SSH3: variants seen among roughly 807,000 people sequenced by gnomAD.
The protein encoded by SSH3 is slingshot protein phosphatase 3.
In SSH3, 67 loss-of-function variants were observed where a neutral mutation model predicts 75.0. That is an observed-to-expected ratio of 0.89 (90% CI 0.73 to 1.10). The LOEUF is 1.10. Ranked by LOEUF, SSH3 falls within the 50% of genes least tolerant of loss-of-function variation. The probability of loss-of-function intolerance (pLI) is 0.00; values close to 1 mark genes in which losing one functional copy is unlikely to be tolerated. For synonymous variants in SSH3, 318 were observed against 349.2 expected (o/e 0.91, Z 1.00); for missense variants, 824 against 872.7 (o/e 0.94, Z 0.70).
rs996304936 is a variant in SSH3, at chr11:67,311,863, C to G, written c.1956C>G (p.Asp652Glu). 16 of 1,612,068 alleles carry G rather than the reference C, an allele frequency of 9.9e-6. No individual in the cohort carries two copies. Among genetic ancestry groups the G allele is most frequent in the Non-Finnish European group, 1.4e-5 (16 of 1,179,916 alleles). ...TGGTGAGACAGGCCAGCGTGCATGACAGTGGAGAGGAGGGCGAGGCCTGAG... is the reference window on the plus strand; with the variant it reads ...TGGTGAGACAGGCCAGCGTGCATGAGAGTGGAGAGGAGGGCGAGGCCTGAG... ...RKVVRQASVH[D>E]SGEEGEA Residue 652 changes from aspartate to glutamate, a missense_variant, in exon 14 of 14, where the codon GAC (aspartate) becomes GAG (glutamate). Coordinates refer to ENST00000308127, the MANE Select transcript of SSH3 (RefSeq NM_017857.4).
At chr11:67,310,715 G>A (rs1861387149) in intron 13 of SSH3, among the ~76,000 whole-genome samples, 1 of 152,166 alleles carries the variant, frequency 6.6e-6, no homozygotes, top group Admixed American at 6.5e-5. Context: ...AAGGCTCCTG[G>A]GTGAGCCAGC....
intron 3 of SSH3, among the ~76,000 whole-genome samples, chr11:67,305,527 G>A (rs1861217648): frequency 1.3e-5 from 2 of 152,198 alleles, no homozygotes; most frequent in South Asian, 4.1e-4. Context: ...CATGGCTGCA[G>A]GTCTCTGGAA....
At chr11:67,311,076 C>T (rs1008383749) in intron 13 of SSH3, among the ~76,000 whole-genome samples, 2 of 152,156 alleles carry the variant, frequency 1.3e-5, no homozygotes, top group Non-Finnish European at 2.9e-5. Context: ...CCACTGAGGG[C>T]AGGAACATTT....
At position 67,304,134 on chromosome 11, in the gene SSH3, G is replaced by C; in HGVS notation, c.83G>C (p.Arg28Pro). The C allele has an allele frequency of 6.3e-7, 1 of 1,599,206 alleles. No individual in the cohort carries two copies. Among genetic ancestry groups the C allele is most frequent in the Non-Finnish European group, 8.5e-7 (1 of 1,176,852 alleles). The change falls in exon 2 of 14, where the codon CGA becomes CCA. Residue 28 changes from arginine to proline, a missense_variant. By Grantham distance (103) the Arg-to-Pro change is moderately radical. Transcript: ENST00000308127. ...PVGPWDQAVQ[R>P]RSRLQRRQSF... ...TCTCCGCAGGACCAGGCGGTCCAGCGAAGGAGTCGACTCCAGCGAAGGTGA... is the reference window on the plus strand; with the variant it reads ...TCTCCGCAGGACCAGGCGGTCCAGCCAAGGAGTCGACTCCAGCGAAGGTGA...
At chr11:67,304,002 G>A in intron 1 of SSH3, 116 bp from the exon 2 acceptor site, 20 of 1,347,450 alleles carry the variant, frequency 1.5e-5, no homozygotes, top group Non-Finnish European at 2.0e-5. Flanking sequence ...ACTGGGGTGG[G>A]AAGACGATTG....
chr11:67,308,603 C>T lies in SSH3; in HGVS notation c.1061+145C>T. 1.6e-6 allele frequency: 2 copies of T among 1,245,300 alleles called. No individual in the cohort carries two copies. The highest frequency in any genetic ancestry group is 2.2e-6 in the Non-Finnish European group (2 of 897,558). The allele number at this position is 1,245,300 out of a possible 1,614,324, so 77.1% of individuals were successfully genotyped here. A position where few individuals can be genotyped will look rare whatever the true frequency, so the allele number is the denominator to read the frequency against. ...TCTAACTCTGTCCTGGGGCTGTTGCCCTGGTGTGGGCTCCCAGGTGGGGAC... is the reference window on the plus strand; with the variant it reads ...TCTAACTCTGTCCTGGGGCTGTTGCTCTGGTGTGGGCTCCCAGGTGGGGAC... On this transcript the variant is annotated intron_variant, in intron 10 of 13. Transcript: ENST00000308127. The surrounding 1 kb of genome is among the most constrained non-coding windows in gnomAD (Gnocchi z 4.9).
chr11:67,307,679 G>A lies in SSH3; in HGVS notation c.733G>A (p.Glu245Lys). The A allele has an allele frequency of 1.2e-6, 2 of 1,614,090 alleles. No individual in the cohort carries two copies. Among genetic ancestry groups the A allele is most frequent in the Middle Eastern group, 1.7e-4 (1 of 6,058 alleles). ...RLNSEQSCLNEWTAMADLESL... is the reference protein window; with the variant it reads ...RLNSEQSCLNKWTAMADLESL... ...GAACTCCGAACAGAGCTGCCTCAAT[G>A]AGTGGACGGCTATGGCCGACCTGGA... Residue 245 changes from glutamate to lysine, a missense_variant, in exon 7 of 14, where the codon GAG (glutamate) becomes AAG (lysine). By Grantham distance (56) the Glu-to-Lys change is moderately conservative (BLOSUM62 1). Coordinates refer to ENST00000308127, the MANE Select transcript of SSH3 (RefSeq NM_017857.4). The surrounding 1 kb of genome is among the most constrained non-coding windows in gnomAD (Gnocchi z 4.2).
At chr11:67,309,671 C>T in intron 11 of SSH3, 97 bp from the exon 12 acceptor site, 1 of 1,581,592 alleles carries the variant, frequency 6.3e-7, no homozygotes, top group South Asian at 1.1e-5. Flanking sequence ...TCCTTCTCTA[C>T]TCTCAGTTGG....
At position 67,309,783 on chromosome 11, in the gene SSH3, C is replaced by A. The variant is rs146571978; in HGVS notation, c.1224C>A (p.His408Gln). Residue 408 changes from histidine to glutamine, a missense_variant, in exon 12 of 14, where the codon CAC becomes CAA. By Grantham distance (24) the His-to-Gln change is conservative (BLOSUM62 0). Transcript: ENST00000308127. ...FIEAARAQGT[H>Q]VLVHCKMGVS... is the part of the protein sequence containing the mutation. Reference sequence around the variant, plus strand: ...GCTTCCACAGAGCACAGGGCACCCACGTGCTGGTCCACTGCAAGATGGGCG... The same window carrying A: ...GCTTCCACAGAGCACAGGGCACCCAAGTGCTGGTCCACTGCAAGATGGGCG... 7.2e-5 allele frequency: 116 copies of A among 1,613,126 alleles called. No individual in the cohort carries two copies. The African/African-American group carries it at 1.3e-3, about 18-fold the overall frequency.
chr11:67,304,216 C>G (rs966779878), intron 2 of SSH3, 61 bp downstream of exon 2: 42 of 1,338,702 alleles, frequency 3.1e-5, no homozygotes, highest in Non-Finnish European at 4.4e-5. Flanking sequence ...CACGGCCGTC[C>G]TGGGCTCCAG....
rs574866080 is a variant in SSH3, at chr11:67,309,856, G to A, written c.1297G>A (p.Glu433Lys). The A allele has an allele frequency of 2.0e-4, 315 of 1,613,180 alleles. 5 individuals carry two copies. The South Asian group carries it at 3.2e-3, about 16-fold the overall frequency. The change falls in exon 12 of 14, where the codon GAA becomes AAA. Residue 433 changes from glutamate to lysine, a missense_variant. By Grantham distance (56) the Glu-to-Lys change is moderately conservative. Transcript: ENST00000308127. ...TVLAYAMKQY[E>K]CSLEQALRHV... is the part of the protein sequence containing the mutation. ...GCTGGCCTATGCCATGAAGCAGTAC[G>A]AATGCAGCCTGGAGCAGGCCCTGCG...
In SSH3 at chr11:67,310,317, C is replaced by G. The variant is rs1017104614; in HGVS notation, c.1661C>G (p.Ser554Ter). Residue 554 changes from serine (S) to a stop codon, truncating the protein, a stop_gained, in exon 13 of 14, where the codon TCA becomes TGA. Transcript: ENST00000308127. LOFTEE classifies it low-confidence loss of function (END_TRUNC). Reference protein sequence around the residue: ...LEPSLELESTSETSDMPEVFS... With the variant: ...LEPSLELEST ...CCCTCCTTGGAGCTGGAGAGCACCT[C>G]AGAGACCAGTGACATGCCAGAGGTG... 6.2e-7 allele frequency: 1 copy of G among 1,611,668 alleles called. No individual in the cohort carries two copies. Among genetic ancestry groups the G allele is most frequent in the East Asian group, 2.2e-5 (1 of 44,820 alleles).
intron 3 of SSH3, 148 bp downstream of exon 3, chr11:67,305,155 A>C: frequency 1.4e-6 from 1 of 714,626 alleles, no homozygotes; most frequent in Non-Finnish European, 2.3e-6. Context: ...TATCCCAGTG[A>C]CCCTGCTGTT....
At chr11:67,310,839 T>C (rs1861390298) in intron 13 of SSH3, among the ~76,000 whole-genome samples, 1 of 152,046 alleles carries the variant, frequency 6.6e-6, no homozygotes, top group Admixed American at 6.5e-5. Flanking sequence ...CTGGGGGCGA[T>C]CTCTAACCCC....
Position 67,311,754 on chromosome 11 carries a change from C to T in SSH3, c.1847C>T (p.Thr616Ile), listed in dbSNP as rs914078369. 1.2e-6 allele frequency: 2 copies of T among 1,613,772 alleles called. No individual in the cohort carries two copies. The highest frequency in any genetic ancestry group is 1.3e-5 in the African/African-American group (1 of 74,894). ...LQGSAVVANR[T>I]QAFQEQEQGQ... ...GGCAGTGCCGTGGTGGCCAACCGGA[C>T]CCAGGCCTTCCAGGAGCAGGAGCAG... Residue 616 changes from threonine (T) to isoleucine (I), a missense_variant, in exon 14 of 14, where the codon ACC (threonine) becomes ATC (isoleucine). Thr to Ile is a moderately conservative substitution (Grantham distance 89). Coordinates refer to ENST00000308127, the MANE Select transcript of SSH3 (RefSeq NM_017857.4).
intron 2 of SSH3, among the ~76,000 whole-genome samples, 199 bp from the exon 3 acceptor site, chr11:67,304,573 TG>T (rs964173345): frequency 6.6e-6 from 1 of 152,182 alleles, no homozygotes; most frequent in African/African-American, 2.4e-5. Flanking sequence ...CCCCCAAGAC[TG>T]GTTCTCAGCA....
Position 67,308,418 on chromosome 11 carries a change from G to A in SSH3, c.1021G>A (p.Glu341Lys). 1 of 1,611,276 alleles carries A rather than the reference G, an allele frequency of 6.2e-7. No homozygotes were observed. The highest frequency in any genetic ancestry group is 1.7e-4 in the Middle Eastern group (1 of 5,970). ...GCTGTTCCCTCTCTCCCAGGGCTCA[G>A]AGTGGAACGCAGCAAACCTGGAGGA... ...RIFPHLYLGS[E>K]WNAANLEELQ... is the part of the protein sequence containing the mutation. The change falls in exon 10 of 14, where the codon GAG (glutamate) becomes AAG (lysine). Residue 341 changes from glutamate to lysine, a missense_variant. Glu to Lys is a moderately conservative substitution (Grantham distance 56). Transcript: ENST00000308127. The surrounding 1 kb of genome is among the most constrained non-coding windows in gnomAD (Gnocchi z 4.9).
At chr11:67,305,317 G>A (rs1341585944) in intron 3 of SSH3, among the ~76,000 whole-genome samples, 2 of 151,656 alleles carry the variant, frequency 1.3e-5, no homozygotes, top group Non-Finnish European at 2.9e-5. Flanking sequence ...CTCCCGAGGA[G>A]CTGGGACTAC....
chr11:67,309,907 G>A lies in SSH3; in HGVS notation c.1348G>A (p.Ala450Thr), dbSNP rs758743323. ...LRHVQELRPI[A>T]RPNPGFLRQL... ...CCACGTGCAGGAGCTCCGGCCCATC[G>A]CCCGCCCCAACCCTGGCTTCCTGCG... Residue 450 changes from alanine (A) to threonine (T), a missense_variant, in exon 12 of 14, where the codon GCC (alanine) becomes ACC (threonine). By Grantham distance (58) the Ala-to-Thr change is moderately conservative. Coordinates refer to ENST00000308127, the MANE Select transcript of SSH3 (RefSeq NM_017857.4). 1.2e-4 allele frequency: 195 copies of A among 1,611,110 alleles called. No homozygotes were observed. The highest frequency in any genetic ancestry group is 1.4e-4 in the Non-Finnish European group (171 of 1,179,962).
Sources: allele counts gnomAD v4.1 joint callset (sites outside exome capture counted in the v4.1 genomes callset), GRCh38; gene constraint gnomAD v4.1.1; non-coding constraint Gnocchi (gnomAD v3.1); transcripts MANE v1.5; gene names NCBI Gene and HGNC (gene_info 2026-07-23, HGNC 2026-07-21).